Variants in CACNG7 observed in about 807,000 individuals in gnomAD.
CACNG7 encodes calcium voltage-gated channel auxiliary subunit gamma 7.
In CACNG7, 9 loss-of-function variants were observed where a neutral mutation model predicts 26.3. That is an observed-to-expected ratio of 0.34 (90% CI 0.21 to 0.60). CACNG7 has a LOEUF of 0.60. Ranked by LOEUF, CACNG7 falls within the 20% of genes least tolerant of loss-of-function variation. CACNG7 has a pLI of 0.81. For missense variants in CACNG7, 297 were observed against 380.4 expected (o/e 0.78, Z 1.82); for synonymous variants, 170 against 157.0 (o/e 1.08, Z -0.62).
intron 4 of CACNG7, among the ~76,000 whole-genome samples, chr19:53,921,578 G>GT (rs1264493218): frequency 7.4e-5 from 8 of 108,428 alleles, no homozygotes; most frequent in South Asian, 3.3e-4. Context: ...TGGTGGAGTT[G>GT]CCCCAGGTCT....
At chr19:53,911,421 T>C (rs2068861595) in intron 1 of CACNG7, among the ~76,000 whole-genome samples, 2 of 152,118 alleles carry the variant, frequency 1.3e-5, no homozygotes, top group Non-Finnish European at 2.9e-5. Context: ...GTTCTATGTC[T>C]CTGGGTTCCA....
chr19:53,920,345 G>C (rs540249405), intron 4 of CACNG7, among the ~76,000 whole-genome samples: 5 of 116,464 alleles, frequency 4.3e-5, no homozygotes, highest in South Asian at 2.7e-4. Context: ...GTCATTGGTG[G>C]AGTTTCCCCA....
intron 3 of CACNG7, among the ~76,000 whole-genome samples, chr19:53,914,836 T>C (rs1348188195): frequency 6.6e-6 from 1 of 151,820 alleles, no homozygotes; most frequent in African/African-American, 2.4e-5. Context: ...ACCTTGTCTC[T>C]ACTAAAAATT....
intron 4 of CACNG7, among the ~76,000 whole-genome samples, chr19:53,917,938 G>A (rs892116249): frequency 7.2e-5 from 11 of 152,188 alleles, no homozygotes; most frequent in African/African-American, 1.9e-4. Flanking sequence ...CCAAGGTCAT[G>A]CTGAGGATCA....
intron 4 of CACNG7, among the ~76,000 whole-genome samples, chr19:53,927,501 G>C (rs1037058140): frequency 6.6e-6 from 1 of 152,136 alleles, no homozygotes; most frequent in Non-Finnish European, 1.5e-5. Flanking sequence ...AAAAGAGCCT[G>C]GTTTGGAGAT....
intron 2 of CACNG7, among the ~76,000 whole-genome samples, chr19:53,913,697 T>C (rs1000133518): frequency 2.0e-5 from 3 of 150,172 alleles, no homozygotes; most frequent in Admixed American, 6.7e-5. Flanking sequence ...GGTGGGAAGA[T>C]TGCTTGTGTC....
chr19:53,926,641 G>C (rs907257317), intron 4 of CACNG7, among the ~76,000 whole-genome samples: 1 of 152,080 alleles, frequency 6.6e-6, no homozygotes, highest in Non-Finnish European at 1.5e-5. Context: ...GGCCAGGTGC[G>C]GTGGCTCATG....
In CACNG7 at chr19:53,942,657, G is replaced by A; in HGVS notation, c.*364G>A. The A allele has an allele frequency of 1.0e-6, 1 of 978,172 alleles. No homozygotes were observed. The highest frequency in any genetic ancestry group is 1.3e-6 in the Non-Finnish European group (1 of 783,286). The allele number at this position is 978,172 out of a possible 1,614,324, so 60.6% of individuals were successfully genotyped here. A position where few individuals can be genotyped will look rare whatever the true frequency, so the allele number is the denominator to read the frequency against. On this transcript the variant is annotated 3_prime_UTR_variant, in exon 6 of 6. Coordinates refer to ENST00000391767, the MANE Select transcript of CACNG7 (RefSeq NM_031896.5). The surrounding 1 kb of genome is among the most constrained non-coding windows in gnomAD (Gnocchi z 5.9). ...GGCGGTGCAAGCGCCCAGCTCCCCAGAGCTCCCCAACCTCGGACCTCACCG... is the reference window on the plus strand; with the variant it reads ...GGCGGTGCAAGCGCCCAGCTCCCCAAAGCTCCCCAACCTCGGACCTCACCG...
At chr19:53,922,528 T>C (rs78007495) in intron 4 of CACNG7, among the ~76,000 whole-genome samples, 42 of 66,048 alleles carry the variant, frequency 6.4e-4, no homozygotes, top group South Asian at 4.7e-3. Context: ...GGTGGAGTTG[T>C]CCCAGGCTGG....
At chr19:53,926,812 C>T (rs913111817) in intron 4 of CACNG7, among the ~76,000 whole-genome samples, 7 of 152,224 alleles carry the variant, frequency 4.6e-5, no homozygotes, top group South Asian at 4.1e-4. Context: ...ACTTGGGAGG[C>T]TGAGGCAGGA....
intron 4 of CACNG7, among the ~76,000 whole-genome samples, chr19:53,917,994 G>A (rs2068909619): frequency 6.6e-6 from 1 of 152,180 alleles, no homozygotes; most frequent in African/African-American, 2.4e-5. Flanking sequence ...TAACAATAGA[G>A]TAATTCGGAA....
intron 4 of CACNG7, among the ~76,000 whole-genome samples, chr19:53,925,705 G>A (rs991310661): frequency 6.6e-6 from 1 of 152,256 alleles, no homozygotes; most frequent in Non-Finnish European, 1.5e-5. Flanking sequence ...CGCATTAAAT[G>A]TCTCACAGGG....
At chr19:53,927,253 G>C (rs1461912532) in intron 4 of CACNG7, among the ~76,000 whole-genome samples, 1 of 152,124 alleles carries the variant, frequency 6.6e-6, no homozygotes, top group Non-Finnish European at 1.5e-5. Flanking sequence ...GTTCTTGTTT[G>C]TATCTTAGAG....
rs545446313 is a variant in CACNG7 at position 53,921,892 on chromosome 19, G to A, written c.424+6387G>A. 6.4e-5 allele frequency among the ~76,000 whole-genome samples: 6 copies of A among 94,356 alleles called. 1 individual carries two copies. Among genetic ancestry groups the A allele is most frequent in the Admixed American group, 1.9e-4 (2 of 10,368 alleles). The allele number at this position is 94,356 out of a possible 152,430, so 61.9% of individuals were successfully genotyped here. ...GTGGAGTTGTCCCAGGCTGGTCATT[G>A]GTGGAGTTGTCCCCAGGTCTGGTAT... On this transcript the variant is annotated intron_variant, in intron 4 of 5. Coordinates refer to ENST00000391767, the MANE Select transcript of CACNG7 (RefSeq NM_031896.5).
intron 4 of CACNG7, among the ~76,000 whole-genome samples, chr19:53,924,222 C>CAGTTGCCCCAGGTCTGGTCATTGGTGG (rs1568777187): frequency 4.2e-5 from 4 of 95,206 alleles, no homozygotes; most frequent in African/African-American, 8.5e-5. Context: ...GTCATTGGTG[C>CAGTTGCCCCAGGTCTGGTCATTGGTGG]AGTTGCCCCA....
At chr19:53,923,652 G>T (rs1201951472) in intron 4 of CACNG7, among the ~76,000 whole-genome samples, 52 of 139,814 alleles carry the variant, frequency 3.7e-4, no homozygotes, top group African/African-American at 1.4e-3. Flanking sequence ...CATTGGTGCA[G>T]TTGCCCCAGG....
At chr19:53,921,606 TC>T (rs2068953807) in intron 4 of CACNG7, among the ~76,000 whole-genome samples, 4 of 67,430 alleles carry the variant, frequency 5.9e-5, no homozygotes, top group South Asian at 6.2e-4. Flanking sequence ...GGTGGAGTCG[TC>T]CCCAGGTCTG....
Position 53,942,532 on chromosome 19 carries a change from C to T in CACNG7, c.*239C>T, listed in dbSNP as rs1435356269. 1 of 1,393,122 alleles carries T rather than the reference C, an allele frequency of 7.2e-7. No individual in the cohort carries two copies. Among genetic ancestry groups the T allele is most frequent in the Non-Finnish European group, 9.3e-7 (1 of 1,077,868 alleles). 86.3% of individuals were successfully genotyped at this position (1,393,122 alleles called of 1,614,324 possible). A position where few individuals can be genotyped will look rare whatever the true frequency, so the allele number is the denominator to read the frequency against. On this transcript the variant is annotated 3_prime_UTR_variant, in exon 6 of 6. Coordinates refer to ENST00000391767, the MANE Select transcript of CACNG7 (RefSeq NM_031896.5). The surrounding 1 kb of genome is among the most constrained non-coding windows in gnomAD (Gnocchi z 5.9). ...TGGTCCCTCTCACTCCCAAATGACT[C>T]CTCCCCTTCGTTGGCCCGCCCCTTT...
chr19:53,924,976 G>A (rs139367324), intron 4 of CACNG7, among the ~76,000 whole-genome samples: 1,156 of 91,860 alleles, frequency 0.013, 70 homozygotes, highest in African/African-American at 0.053. Flanking sequence ...GGTGTTGTCC[G>A]AGGTCTGGTA....
Sources: allele counts gnomAD v4.1 joint callset (sites outside exome capture counted in the v4.1 genomes callset), GRCh38; gene constraint gnomAD v4.1.1; non-coding constraint Gnocchi (gnomAD v3.1); transcripts MANE v1.5; gene names NCBI Gene and HGNC (gene_info 2026-07-23, HGNC 2026-07-21).